The following NRCAM variants were observed in gnomAD, a reference collection of about 807,000 sequenced individuals.
NRCAM encodes the protein neuronal cell adhesion molecule.
In NRCAM, 83 loss-of-function variants were observed where a neutral mutation model predicts 156.5. The observed-to-expected ratio is 0.53, with a 90% CI of 0.44 to 0.64. NRCAM has a LOEUF of 0.64. Among genes scored for constraint, NRCAM ranks in the 30% least tolerant of loss-of-function variants. The pLI, the probability that NRCAM is intolerant of heterozygous loss-of-function variation, is 0.00. For synonymous variants in NRCAM, 538 were observed against 563.9 expected, an observed-to-expected ratio of 0.95 and a Z score of 0.65; for missense variants, 1,417 against 1,597.3, an observed-to-expected ratio of 0.89 and a Z score of 1.92.
At chr7:108,393,237 T>C (rs2099766641) in intron 2 of NRCAM, among the ~76,000 whole-genome samples, 1 of 152,026 alleles carries the variant, frequency 6.6e-6, no homozygotes, top group South Asian at 2.1e-4. Context: ...CCCGGCAGCT[T>C]TGTTTATCTA....
intron 2 of NRCAM, among the ~76,000 whole-genome samples, chr7:108,319,475 C>A (rs1185562564): frequency 6.6e-6 from 1 of 152,158 alleles, no homozygotes; most frequent in African/African-American, 2.4e-5. Context: ...AAGTTCTATG[C>A]TGAGCATCAG....
intron 2 of NRCAM, among the ~76,000 whole-genome samples, chr7:108,389,075 G>GT (rs1341196413): frequency 8.5e-5 from 13 of 152,130 alleles, no homozygotes. Flanking sequence ...CTTTAAAGTA[G>GT]TTTTTTCCAA....
At chr7:108,337,887 T>C (rs1318680769) in intron 2 of NRCAM, among the ~76,000 whole-genome samples, 3 of 152,208 alleles carry the variant, frequency 2.0e-5, no homozygotes, top group Admixed American at 2.0e-4. Flanking sequence ...ATTGGACCAC[T>C]TTCACTTGCT....
intron 2 of NRCAM, among the ~76,000 whole-genome samples, chr7:108,336,817 A>G (rs2099198380): frequency 1.3e-5 from 2 of 152,204 alleles, no homozygotes; most frequent in Admixed American, 1.3e-4. Flanking sequence ...ATTACAAGTA[A>G]ATAACTACAG....
intron 3 of NRCAM, among the ~76,000 whole-genome samples, chr7:108,284,200 AC>A (rs1298566069): frequency 1.3e-5 from 2 of 151,982 alleles, no homozygotes; most frequent in African/African-American, 4.8e-5. Context: ...TGTTGTTCCT[AC>A]TATAAACATC....
At chr7:108,311,362 A>C (rs1316321096) in intron 3 of NRCAM, among the ~76,000 whole-genome samples, 1 of 151,852 alleles carries the variant, frequency 6.6e-6, no homozygotes. Context: ...TTTACCTTGC[A>C]GGTGTTCTTT....
chr7:108,277,598 G>A (rs946033712), intron 3 of NRCAM, among the ~76,000 whole-genome samples: 2 of 151,860 alleles, frequency 1.3e-5, no homozygotes, highest in Admixed American at 6.6e-5. Flanking sequence ...GGTCATTTGA[G>A]GTCTTCTCTA....
At chr7:108,171,077 C>T (rs1047294079) in intron 28 of NRCAM, among the ~76,000 whole-genome samples, 2 of 152,078 alleles carry the variant, frequency 1.3e-5, no homozygotes, top group South Asian at 2.1e-4. Flanking sequence ...ATAGGGAATT[C>T]GAACTCTCCT....
intron 28 of NRCAM, among the ~76,000 whole-genome samples, chr7:108,171,430 C>A (rs1031529082): frequency 6.6e-6 from 1 of 152,186 alleles, no homozygotes; most frequent in Non-Finnish European, 1.5e-5. Flanking sequence ...CACACACTCT[C>A]TACAAGTCAG....
intron 2 of NRCAM, among the ~76,000 whole-genome samples, chr7:108,336,296 C>T (rs867982767): frequency 9.9e-5 from 15 of 152,088 alleles, no homozygotes; most frequent in Admixed American, 3.3e-4. Context: ...TTCTGTTATT[C>T]GGTATGTTTG....
At position 108,286,243 on chromosome 7, in the gene NRCAM, C is replaced by T. The variant is rs573213044; in HGVS notation, c.-107+26422G>A. ...TTATGGCTCAAAATAGGAAAAGGGA[C>T]AGGTGTGGCCAGCAGCAGTAGTTTG... On this transcript the variant is annotated intron_variant, in intron 3 of 32. Transcript: ENST00000379028. Among the ~76,000 whole-genome samples the T allele has an allele frequency of 5.3e-5, 8 of 152,148 alleles. No homozygotes were observed. In the South Asian group the frequency reaches 1.7e-3, roughly 32 times the overall value.
At chr7:108,278,234 C>T (rs1281428742) in intron 3 of NRCAM, among the ~76,000 whole-genome samples, 3 of 152,230 alleles carry the variant, frequency 2.0e-5, no homozygotes, top group Non-Finnish European at 4.4e-5. Context: ...ATTATCGGAT[C>T]TCAAATGCAG....
intron 1 of NRCAM, among the ~76,000 whole-genome samples, chr7:108,402,802 G>A (rs1489210884): frequency 1.3e-5 from 2 of 152,204 alleles, no homozygotes; most frequent in Non-Finnish European, 2.9e-5. Flanking sequence ...GAGGCTGGTG[G>A]ATGACCCAGG....
intron 3 of NRCAM, among the ~76,000 whole-genome samples, chr7:108,251,871 A>C (rs1242242895): frequency 6.6e-6 from 1 of 152,230 alleles, no homozygotes. Context: ...AGGTGATTCA[A>C]AAGCCTGGCA....
chr7:108,175,369 G>T lies in NRCAM; in HGVS notation c.3152-12C>A. 6.4e-7 allele frequency: 1 copy of T among 1,559,846 alleles called. No homozygotes were observed. The highest frequency in any genetic ancestry group is 2.4e-5 in the East Asian group (1 of 42,202). On this transcript the variant is annotated splice_polypyrimidine_tract_variant and intron_variant, in intron 27 of 32. Transcript: ENST00000379028. Reference sequence around the variant, plus strand: ...TGGAAGAATACCAGCTTTAATGAAGGGAAACAGAAATAGGACACTATATAG... The same window carrying T: ...TGGAAGAATACCAGCTTTAATGAAGTGAAACAGAAATAGGACACTATATAG...
chr7:108,384,757 A>G (rs1452048235), intron 2 of NRCAM, among the ~76,000 whole-genome samples: 2 of 152,210 alleles, frequency 1.3e-5, no homozygotes, highest in Non-Finnish European at 2.9e-5. Flanking sequence ...TGATGTCCAC[A>G]CTGCTGGTTT....
intron 2 of NRCAM, among the ~76,000 whole-genome samples, chr7:108,387,969 T>G (rs906229415): frequency 1.3e-5 from 2 of 152,218 alleles, no homozygotes; most frequent in Admixed American, 6.5e-5. Context: ...TGATGGACAT[T>G]TGAGTTGGTT....
At chr7:108,436,859 G>T (rs1832844971) in intron 1 of NRCAM, among the ~76,000 whole-genome samples, 1 of 152,110 alleles carries the variant, frequency 6.6e-6, no homozygotes, top group Non-Finnish European at 1.5e-5. Flanking sequence ...CAGTTTGGAG[G>T]TTCCTCACAA....
chr7:108,186,693 A>G (rs1011773722), intron 20 of NRCAM, among the ~76,000 whole-genome samples: 2 of 152,254 alleles, frequency 1.3e-5, no homozygotes, highest in African/African-American at 4.8e-5. Flanking sequence ...AGCTAGGTTC[A>G]TACATCTTTA....
Sources: allele counts gnomAD v4.1 joint callset (sites outside exome capture counted in the v4.1 genomes callset), GRCh38; gene constraint gnomAD v4.1.1; transcripts MANE v1.5; gene names NCBI Gene and HGNC (gene_info 2026-07-23, HGNC 2026-07-21).